DLGAP1: variants seen among roughly 807,000 people sequenced by gnomAD.
DLGAP1 encodes DLG associated protein 1.
Under a neutral mutation model 90.8 loss-of-function variants are expected in DLGAP1, and 11 were observed. The ratio of observed to expected loss-of-function variants is 0.12; its 90% confidence interval spans 0.08 to 0.20. The LOEUF is 0.20. DLGAP1 is among the 10% of genes least tolerant of loss of function. The pLI is 1.00. For missense variants in DLGAP1, 1,050 were observed against 1,333.8 expected (o/e 0.79, Z 3.31); for synonymous variants, 558 against 540.7 (o/e 1.03, Z -0.44).
chr18:4,426,360 A>G (rs169455), intron 1 of DLGAP1, among the ~76,000 whole-genome samples: 71,552 of 152,106 alleles, frequency 0.47, 18,077 homozygotes, highest in East Asian at 0.59. Context: ...GCTCTGAATT[A>G]AAGTCCAGAA....
chr18:4,048,074 AG>A (rs1337295331), intron 2 of DLGAP1, among the ~76,000 whole-genome samples: 1 of 152,200 alleles, frequency 6.6e-6, no homozygotes, highest in African/African-American at 2.4e-5. Flanking sequence ...CTGGGATTGC[AG>A]GCATGATCCA....
intron 2 of DLGAP1, among the ~76,000 whole-genome samples, chr18:4,076,957 A>G (rs1438973804): frequency 6.8e-6 from 1 of 147,392 alleles, no homozygotes; most frequent in Admixed American, 6.7e-5. Flanking sequence ...TTGTTATTAT[A>G]TGTTAAGTAC....
chr18:3,787,203 G>T (rs192925609), intron 5 of DLGAP1, among the ~76,000 whole-genome samples: 2 of 152,178 alleles, frequency 1.3e-5, no homozygotes, highest in Admixed American at 1.3e-4. Flanking sequence ...AATGAGAGGG[G>T]CCAGGCGTGG....
rs2052201889 is a variant in DLGAP1, at chr18:3,534,363, G to A, written c.2310C>T (p.Asp770=). 5 of 1,614,042 alleles carry A rather than the reference G, an allele frequency of 3.1e-6. No individual in the cohort carries two copies. In the South Asian group the frequency reaches 4.4e-5, roughly 14 times the overall value. ...CTTCAGTGATAGAGTCAATCCAGGG[G>A]TCCGGAGGAGGCAGAATAGAGGGGT... ...DFDPSILPPP[D]PWIDSITEDP... is the part of the protein sequence containing the mutation. The change falls in exon 10 of 13, where the codon GAC becomes GAT. Residue 770 remains aspartate, a synonymous_variant. Transcript: ENST00000315677.
rs539298057 is a variant in DLGAP1 at position 3,905,142 on chromosome 18, C to T, written c.-72-25002G>A. Among the ~76,000 whole-genome samples the T allele has an allele frequency of 1.3e-4, 20 of 151,232 alleles. No individual in the cohort carries two copies. The South Asian group carries it at 2.1e-3, about 16-fold the overall frequency. On this transcript the variant is annotated intron_variant, in intron 3 of 12. Coordinates refer to ENST00000315677, the MANE Select transcript of DLGAP1 (RefSeq NM_004746.4). Reference sequence around the variant, plus strand: ...CAGCACTTTGGGAGGCTGAGTTGGGCGGATCACGAGGTCAGGAGATTGAGA... The same window carrying T: ...CAGCACTTTGGGAGGCTGAGTTGGGTGGATCACGAGGTCAGGAGATTGAGA...
At chr18:3,917,364 C>T (rs542633698) in intron 3 of DLGAP1, among the ~76,000 whole-genome samples, 2 of 152,226 alleles carry the variant, frequency 1.3e-5, no homozygotes, top group East Asian at 1.9e-4. Flanking sequence ...TTCCAGCTCT[C>T]GCACCCATGG....
At chr18:4,392,830 G>A (rs2082365994) in intron 1 of DLGAP1, among the ~76,000 whole-genome samples, 1 of 152,130 alleles carries the variant, frequency 6.6e-6, no homozygotes, top group African/African-American at 2.4e-5. Context: ...TAAAACACTT[G>A]AGTCCTGATG....
intron 7 of DLGAP1, among the ~76,000 whole-genome samples, chr18:3,672,201 G>GACACACAC (rs3223621): frequency 0.012 from 1,791 of 143,568 alleles, 17 homozygotes; most frequent in East Asian, 0.034. Flanking sequence ...CTGCTGATTA[G>GACACACAC]ACACACACAC....
intron 2 of DLGAP1, among the ~76,000 whole-genome samples, chr18:4,085,212 A>T (rs8085591): frequency 0.28 from 43,002 of 151,938 alleles, 6,418 homozygotes; most frequent in African/African-American, 0.33. Flanking sequence ...CAGCCTTTTT[A>T]AAAAATCAGG....
intron 11 of DLGAP1, among the ~76,000 whole-genome samples, chr18:3,507,476 G>A (rs548585224): frequency 1.1e-4 from 17 of 152,172 alleles, no homozygotes; most frequent in African/African-American, 3.4e-4. Flanking sequence ...AGCCGAGATC[G>A]TGCCATTGCA....
chr18:3,501,052 C>T (rs2049903464), intron 12 of DLGAP1, among the ~76,000 whole-genome samples: 2 of 151,864 alleles, frequency 1.3e-5, no homozygotes, highest in Non-Finnish European at 2.9e-5. Flanking sequence ...GTAGCTGGCA[C>T]TACAAGTGTG....
intron 9 of DLGAP1, among the ~76,000 whole-genome samples, chr18:3,536,302 C>A (rs2052375446): frequency 6.6e-6 from 1 of 151,132 alleles, no homozygotes; most frequent in African/African-American, 2.4e-5. Context: ...CAACTCACTG[C>A]AACCTGTGAC....
At chr18:3,828,283 C>T (rs2067831255) in intron 4 of DLGAP1, among the ~76,000 whole-genome samples, 2 of 152,194 alleles carry the variant, frequency 1.3e-5, no homozygotes, top group East Asian at 1.9e-4. Context: ...AGTTTGAATG[C>T]TTTTTCATGT....
intron 3 of DLGAP1, among the ~76,000 whole-genome samples, chr18:3,897,970 A>ATTT (rs369627028): frequency 1.3e-5 from 2 of 150,896 alleles, no homozygotes; most frequent in African/African-American, 4.9e-5. Context: ...AATTTTTTGT[A>ATTT]TTTTTAGTAG....
chr18:3,641,107 AAGAC>A (rs2058920435), intron 7 of DLGAP1, among the ~76,000 whole-genome samples: 1 of 152,196 alleles, frequency 6.6e-6, no homozygotes, highest in African/African-American at 2.4e-5. Flanking sequence ...CCATACAAGT[AAGAC>A]AATGTATTAT....
intron 1 of DLGAP1, among the ~76,000 whole-genome samples, chr18:4,315,637 G>C (rs1598882806): frequency 6.6e-6 from 1 of 152,228 alleles, no homozygotes; most frequent in Non-Finnish European, 1.5e-5. Flanking sequence ...TAGTCTGAAG[G>C]TCAATTAATT....
At chr18:3,832,661 G>T (rs1386184261) in intron 4 of DLGAP1, among the ~76,000 whole-genome samples, 3 of 150,916 alleles carry the variant, frequency 2.0e-5, no homozygotes, top group Non-Finnish European at 2.9e-5. Flanking sequence ...CGGCCACAGA[G>T]AACCTTCTTT....
intron 2 of DLGAP1, among the ~76,000 whole-genome samples, chr18:4,138,965 C>T (rs987603094): frequency 1.3e-5 from 2 of 151,930 alleles, no homozygotes; most frequent in African/African-American, 4.8e-5. Flanking sequence ...CTTTAAATTT[C>T]TGCTGTATTG....
At chr18:4,125,642 AAAAC>A (rs200626860) in intron 2 of DLGAP1, among the ~76,000 whole-genome samples, 1 of 142,100 alleles carries the variant, frequency 7.0e-6, no homozygotes, top group Non-Finnish European at 1.5e-5. Flanking sequence ...CAAACAAACA[AAAAC>A]AAACAAACGA....
Sources: gnomAD v4.1 joint callset for allele counts (sites outside exome capture counted in the v4.1 genomes callset) on GRCh38, gnomAD v4.1.1 for gene constraint, MANE v1.5 for transcripts, NCBI Gene and HGNC (gene_info 2026-07-23, HGNC 2026-07-21) for gene names.